Variants in RFX7 observed in about 807,000 individuals in gnomAD.
RFX7 encodes the protein regulatory factor X7.
RFX7 carries 26 observed loss-of-function variants against 111.8 expected under a neutral mutation model. The observed-to-expected ratio is 0.23, with a 90% CI of 0.17 to 0.32. RFX7 has a LOEUF of 0.32. RFX7 is among the 10% of genes least tolerant of loss of function. RFX7 has a pLI of 1.00. For synonymous variants in RFX7, 624 were observed against 624.4 expected (o/e 1.00, Z 0.01); for missense variants, 1,573 against 1,772.9 (o/e 0.89, Z 2.02).
chr15:56,202,403 T>C (rs1239851726), intron 2 of RFX7, among the ~76,000 whole-genome samples: 1 of 152,172 alleles, frequency 6.6e-6, no homozygotes, highest in East Asian at 1.9e-4. Context: ...TTACAACACA[T>C]CTCAATTTGA....
At chr15:56,158,933 CTTA>C (rs2042686730) in intron 3 of RFX7, among the ~76,000 whole-genome samples, 2 of 152,164 alleles carry the variant, frequency 1.3e-5, no homozygotes, top group Admixed American at 6.5e-5. Context: ...GGCACTACAG[CTTA>C]TTCTTCCTAT....
chr15:56,136,133 T>C (rs2042299130), intron 5 of RFX7, among the ~76,000 whole-genome samples: 1 of 152,034 alleles, frequency 6.6e-6, no homozygotes, highest in Non-Finnish European at 1.5e-5. Flanking sequence ...TTTAAAGTAG[T>C]TTTTTACAAT....
intron 7 of RFX7, 67 bp downstream of exon 7, chr15:56,102,102 G>T (rs1484986496): frequency 2.5e-5 from 29 of 1,143,338 alleles, no homozygotes; most frequent in Non-Finnish European, 3.3e-5. Flanking sequence ...AGACTTTGCA[G>T]GATGCATTTC....
At chr15:56,230,039 C>CA (rs1305541849) in intron 2 of RFX7, among the ~76,000 whole-genome samples, 2 of 152,154 alleles carry the variant, frequency 1.3e-5, no homozygotes, top group African/African-American at 4.8e-5. Flanking sequence ...GGCCATAACT[C>CA]AAACAAGTTA....
chr15:56,118,293 C>T (rs1243762071), intron 5 of RFX7, among the ~76,000 whole-genome samples: 1 of 152,104 alleles, frequency 6.6e-6, no homozygotes, highest in Non-Finnish European at 1.5e-5. Flanking sequence ...TTCATTCCTT[C>T]TAACTATGTT....
chr15:56,147,567 T>TA (rs1289698055), intron 3 of RFX7, among the ~76,000 whole-genome samples: 13 of 149,650 alleles, frequency 8.7e-5, no homozygotes, highest in African/African-American at 4.9e-5. Context: ...TTTACTACAA[T>TA]AAAAAATCTA....
intron 2 of RFX7, among the ~76,000 whole-genome samples, chr15:56,211,224 T>C (rs1219875214): frequency 6.6e-6 from 1 of 152,112 alleles, no homozygotes; most frequent in African/African-American, 2.4e-5. Flanking sequence ...ATCAATCCTC[T>C]ACAGTCCTTT....
intron 2 of RFX7, among the ~76,000 whole-genome samples, chr15:56,235,216 C>A (rs548787494): frequency 2.0e-5 from 3 of 152,026 alleles, no homozygotes; most frequent in African/African-American, 7.2e-5. Context: ...CTCTGTCGCC[C>A]AGGCCGGAGT....
In RFX7 at chr15:56,101,347, G is replaced by C. The variant is rs1258910557; in HGVS notation, c.811+12C>G. On this transcript the variant is annotated intron_variant, in intron 8 of 9. Transcript: ENST00000559447. ...TCTGTCAGTTTTTAGCTTGTTCACA[G>C]TAATGTTGTACCTGCTGGTGCTGCT... is the stretch of plus-strand genomic sequence containing the variant. 2.4e-5 allele frequency: 38 copies of C among 1,565,180 alleles called. No individual in the cohort carries two copies. The highest frequency in any genetic ancestry group is 3.1e-5 in the Non-Finnish European group (36 of 1,152,428).
intron 2 of RFX7, among the ~76,000 whole-genome samples, chr15:56,207,043 GATGGATACCCC>G: frequency 6.6e-6 from 1 of 152,238 alleles, no homozygotes; most frequent in Admixed American, 6.5e-5. Flanking sequence ...TGCATGAGAT[GATGGATACCCC>G]ATTTACTCTG....
chr15:56,094,869 T>A lies in RFX7; in HGVS notation c.2859A>T (p.Thr953=), dbSNP rs2140512136. The A allele has an allele frequency of 6.5e-7, 1 of 1,533,760 alleles. No homozygotes were observed. Among genetic ancestry groups the A allele is most frequent in the Non-Finnish European group, 8.8e-7 (1 of 1,136,414 alleles). The part of the protein sequence containing the change: ...TPIHTPTPTP[T]PTPTPTPTPT... ...GGGTTGGGGTTGGAGTAGGAGTGGGTGTGGGTGTGGGTGTGGGTGTGTGGA... is the reference window on the plus strand; with the variant it reads ...GGGTTGGGGTTGGAGTAGGAGTGGGAGTGGGTGTGGGTGTGGGTGTGTGGA... Residue 953 remains threonine (T), a synonymous_variant, in exon 10 of 10, where the codon ACA becomes ACT. Coordinates refer to ENST00000559447, the MANE Select transcript of RFX7 (RefSeq NM_022841.7).
At chr15:56,204,296 G>A (rs930411866) in intron 2 of RFX7, among the ~76,000 whole-genome samples, 1 of 151,950 alleles carries the variant, frequency 6.6e-6, no homozygotes, top group Non-Finnish European at 1.5e-5. Context: ...TGGGATTATG[G>A]GCATAAGCCA....
At chr15:56,166,173 G>T (rs2042779965) in intron 3 of RFX7, among the ~76,000 whole-genome samples, 2 of 152,144 alleles carry the variant, frequency 1.3e-5, no homozygotes, top group Non-Finnish European at 1.5e-5. Flanking sequence ...TGGGATTACA[G>T]GCATGAGCCA....
Position 56,095,182 on chromosome 15 carries a change from G to A in RFX7, c.2546C>T (p.Ala849Val). 1 of 1,613,940 alleles carries A rather than the reference G, an allele frequency of 6.2e-7. No individual in the cohort carries two copies. The highest frequency in any genetic ancestry group is 8.5e-7 in the Non-Finnish European group (1 of 1,179,840). Reference sequence around the variant, plus strand: ...CAGAGGTAACTGATCTGAAGAATGTGCTTGTATTTGATTTAAAGAAGATTC... The same window carrying A: ...CAGAGGTAACTGATCTGAAGAATGTACTTGTATTTGATTTAAAGAAGATTC... Reference protein sequence around the residue: ...IQESSLNQIQAHSSDQLPLQS... With the variant: ...IQESSLNQIQVHSSDQLPLQS... Residue 849 changes from alanine (A) to valine (V), a missense_variant, in exon 10 of 10, where the codon GCA becomes GTA. Ala to Val is a moderately conservative substitution (Grantham distance 64). Transcript: ENST00000559447.
Position 56,178,844 on chromosome 15 carries a change from C to G in RFX7, c.195+426G>C, listed in dbSNP as rs73409495. On this transcript the variant is annotated intron_variant, in intron 3 of 9. Coordinates refer to ENST00000559447, the MANE Select transcript of RFX7 (RefSeq NM_022841.7). ...ACAATTCTATTAAGTAGAATCTAAA[C>G]TTAAACTATTATTATGGCTTAATTC... is the stretch of plus-strand genomic sequence containing the variant. Among the ~76,000 whole-genome samples, 522 of 152,232 alleles carry G rather than the reference C, an allele frequency of 3.4e-3. 3 individuals are homozygous for G. The highest frequency in any genetic ancestry group is 0.012 in the African/African-American group (503 of 41,524).
rs772081148 is a variant in RFX7, at chr15:56,096,085, T to C, written c.1643A>G (p.His548Arg). The change falls in exon 10 of 10, where the codon CAT becomes CGT. Residue 548 changes from histidine (H) to arginine (R), a missense_variant. Around this residue, in one of 7 missense-constraint regions of RFX7, gnomAD observed 625 missense variants for 632.2 expected, o/e 0.99. Transcript: ENST00000559447. ...AGAGTTCTCTTGGCACTGTACAGGA[T>C]GCTCATCTGATGATGTTTCGGGTTC... ...KVEPETSSDE[H>R]PVQCQENSDE... 3.1e-6 allele frequency: 5 copies of C among 1,613,674 alleles called. No individual in the cohort carries two copies. In the East Asian group the frequency reaches 6.7e-5, roughly 22 times the overall value.
chr15:56,119,776 C>CAA (rs1207159378), intron 5 of RFX7, among the ~76,000 whole-genome samples: 134 of 65,254 alleles, frequency 2.1e-3, no homozygotes, highest in African/African-American at 5.2e-3. Flanking sequence ...CACTGTGTCT[C>CAA]AAAAAAAAAA....
At chr15:56,164,472 C>A (rs1364252466) in intron 3 of RFX7, among the ~76,000 whole-genome samples, 1 of 152,150 alleles carries the variant, frequency 6.6e-6, no homozygotes, top group South Asian at 2.1e-4. Context: ...CAATAAGATT[C>A]CATTAAGCCA....
chr15:56,109,903 C>T (rs1395462151), intron 5 of RFX7, among the ~76,000 whole-genome samples: 4 of 151,736 alleles, frequency 2.6e-5, no homozygotes, highest in Admixed American at 6.5e-5. Flanking sequence ...CCACCCCGTC[C>T]GGGAGGGAGA....
Sources: gnomAD v4.1 joint callset for allele counts (sites outside exome capture counted in the v4.1 genomes callset) on GRCh38, gnomAD v4.1.1 for gene constraint, gnomAD v4.1.1 regional missense constraint, MANE v1.5 for transcripts, NCBI Gene and HGNC (gene_info 2026-07-23, HGNC 2026-07-21) for gene names.